The following MAP1B variants were observed in gnomAD, a reference collection of about 807,000 sequenced individuals.
The protein encoded by MAP1B is microtubule-associated protein 1B.
In MAP1B, 12 loss-of-function variants were observed where a neutral mutation model predicts 176.1. The observed-to-expected ratio is 0.07, with a 90% CI of 0.04 to 0.11. The LOEUF (loss-of-function observed/expected upper bound fraction) is 0.11, where lower values mean the gene tolerates loss of function less well. MAP1B is among the 10% of genes least tolerant of loss of function. MAP1B has a pLI of 1.00. For synonymous variants in MAP1B, 1,044 were observed against 1,135.0 expected (o/e 0.92, Z 1.61); for missense variants, 2,523 against 2,990.5 (o/e 0.84, Z 3.65).
Position 72,199,362 on chromosome 5 carries a change from G to T in MAP1B, c.6007G>T (p.Asp2003Tyr). Reference sequence around the variant, plus strand: ...TGAGGATGGTGGCCACACACTTGGGGACCCCAGCTACTCTTATGAAACCAC... The same window carrying T: ...TGAGGATGGTGGCCACACACTTGGGTACCCCAGCTACTCTTATGAAACCAC... ...DSEDGGHTLG[D>Y]PSYSYETTEK... is the part of the protein sequence containing the mutation. Residue 2003 changes from aspartate (D) to tyrosine (Y), a missense_variant, in exon 5 of 7, where the codon GAC becomes TAC. By Grantham distance (160) the Asp-to-Tyr change is radical. Coordinates refer to ENST00000296755, the MANE Select transcript of MAP1B (RefSeq NM_005909.5). This position sits in a 1 kb window ranked among gnomAD's most constrained non-coding sequence, Gnocchi z 4.2. The T allele has an allele frequency of 6.2e-7, 1 of 1,614,082 alleles. No individual in the cohort carries two copies. The highest frequency in any genetic ancestry group is 8.5e-7 in the Non-Finnish European group (1 of 1,180,012).
At chr5:72,176,200 C>T (rs1025566391) in intron 2 of MAP1B, among the ~76,000 whole-genome samples, 4 of 151,758 alleles carry the variant, frequency 2.6e-5, no homozygotes, top group African/African-American at 4.9e-5. Flanking sequence ...TCCACACACA[C>T]GTGTGTGCAC....
In MAP1B at chr5:72,195,151, A is replaced by G; in HGVS notation, c.1796A>G (p.Lys599Arg). 6 of 1,613,518 alleles carry G rather than the reference A, an allele frequency of 3.7e-6. No individual in the cohort carries two copies. The highest frequency in any genetic ancestry group is 4.2e-6 in the Non-Finnish European group (5 of 1,179,730). ...GACAAGCCAATAAAAACAGAGACCA[A>G]ACCTTCAGTGACTGAAAAGGAGGTT... is the stretch of plus-strand genomic sequence containing the variant. ...KKDKPIKTET[K>R]PSVTEKEVPS... The change falls in exon 5 of 7, where the codon AAA becomes AGA. Residue 599 changes from lysine to arginine, a missense_variant. Physicochemically the swap from Lys to Arg is conservative, Grantham distance 26 (BLOSUM62 2). This residue lies in a region of MAP1B where 1,925 missense variants were observed against 2,126.0 expected (regional missense o/e 0.91). Transcript: ENST00000296755.
chr5:72,202,579 GA>G (rs1271560152), intron 5 of MAP1B, among the ~76,000 whole-genome samples: 1 of 152,162 alleles, frequency 6.6e-6, no homozygotes, highest in Non-Finnish European at 1.5e-5. Context: ...TTACAGCAAT[GA>G]AACCAGCTGC....
chr5:72,151,593 C>T (rs1278539784), intron 2 of MAP1B, among the ~76,000 whole-genome samples: 1 of 152,152 alleles, frequency 6.6e-6, no homozygotes, highest in Non-Finnish European at 1.5e-5. Context: ...GATTAGACAC[C>T]TCTGCTTGCT....
In MAP1B at chr5:72,209,342, T is replaced by C. The variant is rs1486458198; in HGVS notation, c.*4103T>C. The stretch of plus-strand genomic sequence containing the variant: ...TCACACTCCTCTCTCTTGTTCTGAA[T>C]GGTGTTTGTGTCAGTCTGCAGCTGT... On this transcript the variant is annotated 3_prime_UTR_variant, in exon 7 of 7. Coordinates refer to ENST00000296755, the MANE Select transcript of MAP1B (RefSeq NM_005909.5). The C allele has an allele frequency of 6.6e-6, 1 of 152,206 alleles. No individual in the cohort carries two copies. Among genetic ancestry groups the C allele is most frequent in the East Asian group, 1.9e-4 (1 of 5,200 alleles). 9.4% of individuals were successfully genotyped at this position (152,206 alleles called of 1,614,324 possible). A position where few individuals can be genotyped will look rare whatever the true frequency, so the allele number is the denominator to read the frequency against.
intron 2 of MAP1B, among the ~76,000 whole-genome samples, chr5:72,120,174 T>G (rs1745501941): frequency 6.6e-6 from 1 of 152,210 alleles, no homozygotes; most frequent in Admixed American, 6.5e-5. Context: ...GAAAATCAGT[T>G]TCAATTTTTA....
intron 2 of MAP1B, among the ~76,000 whole-genome samples, chr5:72,135,152 A>G (rs1308661290): frequency 6.6e-6 from 1 of 151,800 alleles, no homozygotes; most frequent in East Asian, 1.9e-4. Flanking sequence ...CTGAGTCAGA[A>G]AATCTAGGTT....
chr5:72,199,438 C>A lies in MAP1B; in HGVS notation c.6083C>A (p.Ser2028Tyr), dbSNP rs750976832. The A allele has an allele frequency of 3.1e-6, 5 of 1,614,094 alleles. No individual in the cohort carries two copies. The highest frequency in any genetic ancestry group is 4.2e-6 in the Non-Finnish European group (5 of 1,180,020). The change falls in exon 5 of 7, where the codon TCT becomes TAT. Residue 2028 changes from serine (S) to tyrosine (Y), a missense_variant. Ser to Tyr is a moderately radical substitution (Grantham distance 144). Coordinates refer to ENST00000296755, the MANE Select transcript of MAP1B (RefSeq NM_005909.5). This position sits in a 1 kb window ranked among gnomAD's most constrained non-coding sequence, Gnocchi z 4.2. ...PESEGYSYETSTKTTRTPDTS... is the reference protein window; with the variant it reads ...PESEGYSYETYTKTTRTPDTS... ...TCTGAAGGTTATTCCTATGAGACAT[C>A]TACAAAGACAACACGAACCCCTGAT... is the stretch of plus-strand genomic sequence containing the variant.
chr5:72,157,840 TA>T (rs1370759468), intron 2 of MAP1B, among the ~76,000 whole-genome samples: 1 of 152,120 alleles, frequency 6.6e-6, no homozygotes, highest in Non-Finnish European at 1.5e-5. Context: ...AGAAAGCAGT[TA>T]CTAAATGCTA....
chr5:72,153,016 G>A (rs548022323), intron 2 of MAP1B, among the ~76,000 whole-genome samples: 3 of 152,176 alleles, frequency 2.0e-5, no homozygotes, highest in Non-Finnish European at 4.4e-5. Flanking sequence ...AGTCACAGGA[G>A]TGAAAATAAG....
At chr5:72,148,904 T>TA (rs1746092760) in intron 2 of MAP1B, among the ~76,000 whole-genome samples, 1 of 152,148 alleles carries the variant, frequency 6.6e-6, no homozygotes, top group South Asian at 2.1e-4. Flanking sequence ...CTTACTGAGG[T>TA]TCTTCCCTAC....
At chr5:72,169,219 G>C (rs772555853) in intron 2 of MAP1B, among the ~76,000 whole-genome samples, 2 of 152,158 alleles carry the variant, frequency 1.3e-5, no homozygotes, top group African/African-American at 4.8e-5. Flanking sequence ...AATCCAATGC[G>C]CGTGTGAGAA....
At chr5:72,110,651 G>T (rs1052673752) in intron 1 of MAP1B, among the ~76,000 whole-genome samples, 3 of 152,252 alleles carry the variant, frequency 2.0e-5, no homozygotes, top group Non-Finnish European at 4.4e-5. Flanking sequence ...CTCCAGGGGG[G>T]CCAGCTCTGA....
chr5:72,198,903 G>T lies in MAP1B; in HGVS notation c.5548G>T (p.Asp1850Tyr). The change falls in exon 5 of 7, where the codon GAT becomes TAT. Residue 1850 changes from aspartate to tyrosine, a missense_variant. Coordinates refer to ENST00000296755, the MANE Select transcript of MAP1B (RefSeq NM_005909.5). ...TMQHHLALNR[D>Y]LSTPGLEKDS... ...GCAACACCATCTAGCCTTGAATAGA[G>T]ATTTGTCCACACCTGGCCTGGAGAA... The T allele has an allele frequency of 1.2e-6, 2 of 1,614,210 alleles. No homozygotes were observed. Among genetic ancestry groups the T allele is most frequent in the Non-Finnish European group, 1.7e-6 (2 of 1,180,044 alleles).
rs1747288774 is a variant in MAP1B at position 72,199,846 on chromosome 5, C to T, written c.6491C>T (p.Pro2164Leu). ...APSQTDSDVP[P>L]ETEECPSITA... ...TCCCAGACCGACTCTGATGTTCCCC[C>T]GGAGACTGAAGAGTGCCCCTCCATC... Residue 2164 changes from proline (P) to leucine (L), a missense_variant, in exon 5 of 7, where the codon CCG (proline) becomes CTG (leucine). By Grantham distance (98) the Pro-to-Leu change is moderately conservative. Transcript: ENST00000296755. The surrounding 1 kb of genome is among the most constrained non-coding windows in gnomAD (Gnocchi z 4.2). 1.9e-6 allele frequency: 3 copies of T among 1,614,164 alleles called. No individual in the cohort carries two copies. Among genetic ancestry groups the T allele is most frequent in the Non-Finnish European group, 2.5e-6 (3 of 1,180,020 alleles).
At position 72,196,060 on chromosome 5, in the gene MAP1B, A is replaced by T. The variant is rs1747157632; in HGVS notation, c.2705A>T (p.Glu902Val). ...GAGGGAATCACTACCACTGAAGGGG[A>T]GGGCGAATGTGAACAGACACCTGAG... Reference protein sequence around the residue: ...PDEGITTTEGEGECEQTPEEL... With the variant: ...PDEGITTTEGVGECEQTPEEL... Residue 902 changes from glutamate (E) to valine (V), a missense_variant, in exon 5 of 7, where the codon GAG becomes GTG. By Grantham distance (121) the Glu-to-Val change is moderately radical. Coordinates refer to ENST00000296755, the MANE Select transcript of MAP1B (RefSeq NM_005909.5). The surrounding 1 kb of genome is among the most constrained non-coding windows in gnomAD (Gnocchi z 5.3). 8 of 1,614,188 alleles carry T rather than the reference A, an allele frequency of 5.0e-6. No homozygotes were observed. The East Asian group carries it at 1.8e-4, about 36-fold the overall frequency.
Position 72,127,336 on chromosome 5 carries a change from T to C in MAP1B, c.286+11537T>C, listed in dbSNP as rs148260510. On this transcript the variant is annotated intron_variant, in intron 2 of 6. Transcript: ENST00000296755. ...TATTACTGACAGTGTACAATTTACA[T>C]GCAGGTAATCATTATCAGAAAGTCA... is the stretch of plus-strand genomic sequence containing the variant. Among the ~76,000 whole-genome samples the C allele has an allele frequency of 1.4e-3, 206 of 152,336 alleles. 1 individual carries two copies. The highest frequency in any genetic ancestry group is 4.9e-3 in the African/African-American group (205 of 41,568).
chr5:72,150,590 T>C (rs1272141328), intron 2 of MAP1B, among the ~76,000 whole-genome samples: 1 of 152,240 alleles, frequency 6.6e-6, no homozygotes, highest in Non-Finnish European at 1.5e-5. Context: ...ACAGATTATT[T>C]CATCACCCAG....
chr5:72,159,038 G>A (rs1401536042), intron 2 of MAP1B, among the ~76,000 whole-genome samples: 2 of 152,088 alleles, frequency 1.3e-5, no homozygotes, highest in Non-Finnish European at 2.9e-5. Context: ...TCCCATGTAC[G>A]ATTGAGGAAC....
Sources: gnomAD v4.1 joint callset for allele counts (sites outside exome capture counted in the v4.1 genomes callset) on GRCh38, gnomAD v4.1.1 for gene constraint, gnomAD v4.1.1 regional missense constraint, Gnocchi (gnomAD v3.1) non-coding constraint, MANE v1.5 for transcripts, NCBI Gene and HGNC (gene_info 2026-07-23, HGNC 2026-07-21) for gene names.